The following RAPGEF4 variants were observed in gnomAD, a reference collection of about 807,000 sequenced individuals.
The protein encoded by RAPGEF4 is Rap guanine nucleotide exchange factor 4, also known as RAP guanine-nucleotide-exchange factor (GEF) 4.
Under a neutral mutation model 147.9 loss-of-function variants are expected in RAPGEF4, and 66 were observed. The observed-to-expected ratio is 0.45, with a 90% confidence interval of 0.37 to 0.55. RAPGEF4 has a LOEUF of 0.55. RAPGEF4 is among the 20% of genes least tolerant of loss of function. The pLI, the probability that RAPGEF4 is intolerant of heterozygous loss-of-function variation, is 0.00. For synonymous variants in RAPGEF4, 419 were observed against 442.7 expected (o/e 0.95, Z 0.67); for missense variants, 1,071 against 1,257.3 (o/e 0.85, Z 2.24).
chr2:172,813,695 A>C (rs958648864), intron 3 of RAPGEF4, among the ~76,000 whole-genome samples: 1 of 152,130 alleles, frequency 6.6e-6, no homozygotes, highest in Non-Finnish European at 1.5e-5. Context: ...AAAAAAAAAA[A>C]ACTGAGCTCA....
intron 10 of RAPGEF4, among the ~76,000 whole-genome samples, chr2:172,978,723 G>A (rs1262611759): frequency 7.9e-5 from 12 of 152,200 alleles, no homozygotes; most frequent in South Asian, 2.1e-4. Flanking sequence ...GTTGAGCTGC[G>A]GCTGCTTCCA....
chr2:172,929,171 A>C lies in RAPGEF4; in HGVS notation c.537+6871A>C, dbSNP rs542106784. ...TGTTTTGAGAAACTGAGAACAAATTATTTGCAAAATATGTCTTATGGTTAG... is the reference window on the plus strand; with the variant it reads ...TGTTTTGAGAAACTGAGAACAAATTCTTTGCAAAATATGTCTTATGGTTAG... On this transcript the variant is annotated intron_variant, in intron 6 of 30. Coordinates refer to ENST00000397081, the MANE Select transcript of RAPGEF4 (RefSeq NM_007023.4). Among the ~76,000 whole-genome samples, 6 of 152,222 alleles carry C rather than the reference A, an allele frequency of 3.9e-5. No homozygotes were observed. In the South Asian group the frequency reaches 1.2e-3, roughly 31 times the overall value.
At chr2:172,895,067 C>T (rs889481302) in intron 4 of RAPGEF4, among the ~76,000 whole-genome samples, 4 of 151,936 alleles carry the variant, frequency 2.6e-5, no homozygotes, top group African/African-American at 7.2e-5. Context: ...AGGTGGGGAG[C>T]GATTTGTTGT....
chr2:172,893,157 G>C (rs984335539), intron 4 of RAPGEF4, among the ~76,000 whole-genome samples: 1 of 152,162 alleles, frequency 6.6e-6, no homozygotes, highest in Non-Finnish European at 1.5e-5. Context: ...AGAGTACAAC[G>C]AAGATCCCGT....
intron 4 of RAPGEF4, among the ~76,000 whole-genome samples, chr2:172,819,708 G>A (rs1247089513): frequency 1.3e-5 from 2 of 151,720 alleles, no homozygotes; most frequent in African/African-American, 2.4e-5. Flanking sequence ...CTCGTGATCC[G>A]CCCGCCTCGG....
At chr2:172,735,391 G>A (rs985880445), upstream of RAPGEF4, 1 of 152,352 alleles carries the variant, frequency 6.6e-6, no homozygotes, top group Admixed American at 6.5e-5. Flanking sequence ...CTTTTCTGAA[G>A]GGGAGACAGC....
chr2:172,834,608 TTTC>T (rs933264185), intron 4 of RAPGEF4, among the ~76,000 whole-genome samples: 14 of 152,196 alleles, frequency 9.2e-5, no homozygotes, highest in African/African-American at 1.7e-4. Context: ...CAACTGCTTT[TTTC>T]TTCTTCTTCT....
intron 1 of RAPGEF4, among the ~76,000 whole-genome samples, chr2:172,787,073 G>A (rs1344243649): frequency 1.3e-5 from 2 of 152,058 alleles, no homozygotes; most frequent in African/African-American, 4.8e-5. Context: ...TTAGCCAGGT[G>A]TGGTGGCAGG....
chr2:172,988,711 C>A lies in RAPGEF4; in HGVS notation c.1246C>A (p.His416Asn), dbSNP rs1468301285. The A allele has an allele frequency of 6.2e-7, 1 of 1,612,692 alleles. No homozygotes were observed. The highest frequency in any genetic ancestry group is 8.5e-7 in the Non-Finnish European group (1 of 1,178,726). The change falls in exon 14 of 31, where the codon CAT becomes AAT. Residue 416 changes from histidine to asparagine, a missense_variant. Physicochemically the swap from His to Asn is moderately conservative, Grantham distance 68. Transcript: ENST00000397081. ...TATCCAGGGTGTGGTCTGCACCCTG[C>A]ATGAAGGAGATGACTTCGGCAAGTT... ...IYGKGVVCTL[H>N]EGDDFGKLAL...
intron 4 of RAPGEF4, among the ~76,000 whole-genome samples, chr2:172,896,916 C>T (rs1236943916): frequency 6.6e-6 from 1 of 152,138 alleles, no homozygotes; most frequent in East Asian, 1.9e-4. Context: ...ACTGAGAAAT[C>T]GACACATGCC....
chr2:173,012,530 G>A (rs3820840), intron 17 of RAPGEF4, among the ~76,000 whole-genome samples: 8,607 of 152,298 alleles, frequency 0.057, 335 homozygotes, highest in East Asian at 0.1. Flanking sequence ...AGAAAGCACA[G>A]TGGCAACGTA....
At chr2:172,837,635 G>T (rs2432927) in intron 4 of RAPGEF4, among the ~76,000 whole-genome samples, 148,134 of 152,314 alleles carry the variant, frequency 0.97, 72,170 homozygotes, top group East Asian at 1. Flanking sequence ...AGTGCAGTGG[G>T]GTAATTGTAG....
chr2:173,002,767 A>G (rs976106860), intron 17 of RAPGEF4, among the ~76,000 whole-genome samples: 1 of 152,136 alleles, frequency 6.6e-6, no homozygotes, highest in African/African-American at 2.4e-5. Context: ...TTTGAGTTGA[A>G]GGTGCAACTC....
At chr2:172,793,018 A>G (rs912160101) in intron 1 of RAPGEF4, among the ~76,000 whole-genome samples, 1 of 152,258 alleles carries the variant, frequency 6.6e-6, no homozygotes, top group African/African-American at 2.4e-5. Context: ...CTGGAAGTCC[A>G]GAATCAAGGT....
chr2:172,819,231 G>C (rs1208255048), intron 4 of RAPGEF4, among the ~76,000 whole-genome samples: 1 of 151,894 alleles, frequency 6.6e-6, no homozygotes, highest in Non-Finnish European at 1.5e-5. Context: ...TAGTTTAAAT[G>C]AATTATGTTA....
At position 172,807,661 on chromosome 2, in the gene RAPGEF4, G is replaced by A. The variant is rs555171120; in HGVS notation, c.298-6618G>A. On this transcript the variant is annotated intron_variant, in intron 3 of 30. Coordinates refer to ENST00000397081, the MANE Select transcript of RAPGEF4 (RefSeq NM_007023.4). ...ACTTAATGGCAAATATTGCCTGTAG[G>A]CCTAAAATAAAACTTATAAAAATAT... is the stretch of plus-strand genomic sequence containing the variant. 4.6e-5 allele frequency among the ~76,000 whole-genome samples: 7 copies of A among 152,252 alleles called. No individual in the cohort carries two copies. The East Asian group carries it at 1.2e-3, about 25-fold the overall frequency.
intron 4 of RAPGEF4, among the ~76,000 whole-genome samples, chr2:172,906,516 C>G (rs1699647162): frequency 3.9e-5 from 6 of 152,230 alleles, no homozygotes; most frequent in Admixed American, 3.9e-4. Flanking sequence ...CAGGGAGCTT[C>G]TGATGCTTTC....
intron 6 of RAPGEF4, among the ~76,000 whole-genome samples, chr2:172,946,678 C>T (rs1037809598): frequency 4.6e-5 from 7 of 152,178 alleles, no homozygotes; most frequent in Non-Finnish European, 1.0e-4. Flanking sequence ...GGGAAGATTC[C>T]TTGAACCACC....
intron 1 of RAPGEF4, among the ~76,000 whole-genome samples, chr2:172,775,750 A>T (rs1046271219): frequency 5.3e-5 from 8 of 152,026 alleles, no homozygotes; most frequent in African/African-American, 1.9e-4. Context: ...AATTATAGAT[A>T]TTTTTTCTAC....
Sources: allele counts gnomAD v4.1 joint callset (sites outside exome capture counted in the v4.1 genomes callset), GRCh38; gene constraint gnomAD v4.1.1; transcripts MANE v1.5; gene names NCBI Gene and HGNC (gene_info 2026-07-23, HGNC 2026-07-21).